Variants in FBN2 observed in about 807,000 individuals in gnomAD.
FBN2 encodes fibrillin 2.
Under a neutral mutation model 355.6 loss-of-function variants are expected in FBN2, and 105 were observed. The observed-to-expected ratio is 0.30, with a 90% CI of 0.25 to 0.35. The LOEUF is 0.35. Among genes scored for constraint, FBN2 ranks in the 10% least tolerant of loss-of-function variants. The pLI is 1.00. For synonymous variants in FBN2, 1,350 were observed against 1,301.2 expected (o/e 1.04, Z -0.81); for missense variants, 3,280 against 3,758.7 (o/e 0.87, Z 3.33).
chr5:128,390,261 G>A (rs1250758943), intron 11 of FBN2, among the ~76,000 whole-genome samples: 2 of 152,132 alleles, frequency 1.3e-5, no homozygotes, highest in East Asian at 1.9e-4. Flanking sequence ...AGAAAGTTGG[G>A]GACTCTTTAT....
intron 13 of FBN2, among the ~76,000 whole-genome samples, chr5:128,377,423 A>G (rs988378560): frequency 2.0e-5 from 3 of 152,184 alleles, no homozygotes; most frequent in African/African-American, 7.2e-5. Flanking sequence ...CCTGAAATAC[A>G]GTAGCGGTCA....
chr5:128,455,311 C>G (rs1754351171), intron 6 of FBN2, among the ~76,000 whole-genome samples: 1 of 152,128 alleles, frequency 6.6e-6, no homozygotes, highest in African/African-American at 2.4e-5. Flanking sequence ...TATGAGTTAA[C>G]TTTGGTCCTT....
rs147046215 is a variant in FBN2 at position 128,330,622 on chromosome 5, G to A, written c.4296C>T (p.Tyr1432=). The change falls in exon 33 of 65, where the codon TAC becomes TAT. Residue 1432 remains tyrosine (Y), a synonymous_variant. Transcript: ENST00000262464. ...TGAAACCTTCGGAGCAGGCACAGCG[G>A]TATGAGCCCGGGGTATTTACACACT... The part of the protein sequence containing the change: ...NAQCVNTPGS[Y]RCACSEGFTG... The A allele has an allele frequency of 7.4e-6, 12 of 1,613,920 alleles. No homozygotes were observed. The highest frequency in any genetic ancestry group is 1.6e-4 in the Middle Eastern group (1 of 6,082).
Position 128,287,559 on chromosome 5 carries a change from C to T in FBN2, c.6758-129G>A, listed in dbSNP as rs146291176. 1.1e-3 allele frequency: 1,056 copies of T among 965,146 alleles called. 6 individuals are homozygous for T. In the African/African-American group the frequency reaches 0.014, roughly 13 times the overall value. The allele number at this position is 965,146 out of a possible 1,614,324, so 59.8% of individuals were successfully genotyped here. On this transcript the variant is annotated intron_variant, in intron 53 of 64. Coordinates refer to ENST00000262464, the MANE Select transcript of FBN2 (RefSeq NM_001999.4). Reference sequence around the variant, plus strand: ...AATAGTAGAACTTACACATCTGGTACGCAGAATTTAGTACCTAACAAACTC... The same window carrying T: ...AATAGTAGAACTTACACATCTGGTATGCAGAATTTAGTACCTAACAAACTC...
At chr5:128,388,623 G>T (rs1248650775) in intron 11 of FBN2, among the ~76,000 whole-genome samples, 2 of 152,142 alleles carry the variant, frequency 1.3e-5, no homozygotes, top group Non-Finnish European at 2.9e-5. Flanking sequence ...TAAAATTCTT[G>T]GTTGGGATTT....
intron 3 of FBN2, among the ~76,000 whole-genome samples, chr5:128,528,463 A>T (rs1756623507): frequency 6.6e-6 from 1 of 152,228 alleles, no homozygotes; most frequent in Non-Finnish European, 1.5e-5. Flanking sequence ...GTCTGGAGCC[A>T]AGAAGGAGCT....
At chr5:128,297,658 C>A (rs566993894) in intron 48 of FBN2, among the ~76,000 whole-genome samples, 6 of 152,110 alleles carry the variant, frequency 3.9e-5, no homozygotes, top group Admixed American at 3.3e-4. Context: ...AGGATTGCAA[C>A]CCCTGCCTTT....
In FBN2 at chr5:128,274,622, C is replaced by T. The variant is rs982288060; in HGVS notation, c.7656G>A (p.Gly2552=). The T allele has an allele frequency of 6.8e-6, 11 of 1,613,484 alleles. No homozygotes were observed. Among genetic ancestry groups the T allele is most frequent in the Admixed American group, 1.7e-5 (1 of 59,982 alleles). Reference sequence around the variant, plus strand: ...CAGGTGGACATTTACAGGTAAACCCCCCCAGGGTGTTGACACAGAGGAACT... The same window carrying T: ...CAGGTGGACATTTACAGGTAAACCCTCCCAGGGTGTTGACACAGAGGAACT... ...NCQFLCVNTL[G]GFTCKCPPGF... is the part of the protein sequence containing the mutation. The change falls in exon 60 of 65, where the codon GGG becomes GGA. Residue 2552 remains glycine (G), a synonymous_variant. Transcript: ENST00000262464.
At position 128,310,029 on chromosome 5, in the gene FBN2, A is replaced by T; in HGVS notation, c.5154T>A (p.Ile1718=). The change falls in exon 40 of 65, where the codon ATT becomes ATA. Residue 1718 remains isoleucine, a synonymous_variant. Coordinates refer to ENST00000262464, the MANE Select transcript of FBN2 (RefSeq NM_001999.4). ...CYNTLGNYTC[I]CPPEYMQVNG... ...TGACCTGCATGTACTCAGGTGGGCA[A>T]ATGCAGGTGTAATTTCCCAGGGTGT... The T allele has an allele frequency of 6.2e-7, 1 of 1,613,896 alleles. No individual in the cohort carries two copies. Among genetic ancestry groups the T allele is most frequent in the Non-Finnish European group, 8.5e-7 (1 of 1,179,810 alleles).
At chr5:128,417,522 C>T (rs1301534616) in intron 7 of FBN2, among the ~76,000 whole-genome samples, 1 of 152,046 alleles carries the variant, frequency 6.6e-6, no homozygotes, top group Non-Finnish European at 1.5e-5. Flanking sequence ...GAGGTATGTT[C>T]CTTCTATGCA....
chr5:128,500,195 A>G (rs763896136), intron 5 of FBN2, among the ~76,000 whole-genome samples: 6 of 151,780 alleles, frequency 4.0e-5, no homozygotes, highest in East Asian at 1.9e-4. Flanking sequence ...GAGTAAAACC[A>G]TATCACAGAG....
intron 18 of FBN2, among the ~76,000 whole-genome samples, chr5:128,363,267 T>C (rs993589824): frequency 5.9e-5 from 9 of 152,048 alleles, no homozygotes; most frequent in African/African-American, 2.2e-4. Flanking sequence ...CTCCGCTCAC[T>C]GCAGCCTCCG....
chr5:128,382,077 T>C (rs1463421192), intron 11 of FBN2, among the ~76,000 whole-genome samples: 1 of 152,096 alleles, frequency 6.6e-6, no homozygotes, highest in Non-Finnish European at 1.5e-5. Flanking sequence ...AAATCTGTTA[T>C]TTAGGGTTAA....
intron 6 of FBN2, among the ~76,000 whole-genome samples, chr5:128,458,988 C>CA (rs200305012): frequency 3.4e-4 from 50 of 146,926 alleles, no homozygotes; most frequent in Admixed American, 8.8e-4. Flanking sequence ...AAAAACTCTC[C>CA]AAAAAAAAAT....
chr5:128,472,435 T>C (rs978805625), intron 5 of FBN2, among the ~76,000 whole-genome samples: 8 of 152,068 alleles, frequency 5.3e-5, no homozygotes, highest in African/African-American at 1.4e-4. Context: ...AAGACTTCTG[T>C]GGATGGATGA....
chr5:128,266,558 T>C (rs931634037), intron 62 of FBN2, among the ~76,000 whole-genome samples: 8 of 152,194 alleles, frequency 5.3e-5, no homozygotes, highest in Non-Finnish European at 1.2e-4. Flanking sequence ...AGATAGAGCT[T>C]CCACATTTAG....
chr5:128,324,679 G>A (rs1393476096), intron 34 of FBN2, among the ~76,000 whole-genome samples: 5 of 150,644 alleles, frequency 3.3e-5, no homozygotes, highest in Non-Finnish European at 7.4e-5. Flanking sequence ...GTGCAGTGGC[G>A]TGATCTCGGC....
chr5:128,325,493 T>C (rs1369893285), intron 34 of FBN2, among the ~76,000 whole-genome samples: 1 of 152,250 alleles, frequency 6.6e-6, no homozygotes, highest in African/African-American at 2.4e-5. Context: ...ATTTTAAGCC[T>C]ATGTGTGTCT....
At chr5:128,310,231 T>A (rs1749996333) in intron 39 of FBN2, 123 bp from the exon 40 acceptor site, 1 of 809,138 alleles carries the variant, frequency 1.2e-6, no homozygotes, top group Non-Finnish European at 2.0e-6. Context: ...AACTTAGAAA[T>A]AAAGAAAATA....
Sources: gnomAD v4.1 joint callset for allele counts (sites outside exome capture counted in the v4.1 genomes callset) on GRCh38, gnomAD v4.1.1 for gene constraint, MANE v1.5 for transcripts, NCBI Gene and HGNC (gene_info 2026-07-23, HGNC 2026-07-21) for gene names.